THUMPD2: variants seen among roughly 807,000 people sequenced by gnomAD.
THUMPD2 encodes U6 snRNA (guanine-N(2))-methyltransferase THUMPD2.
A neutral mutation model predicts 49.4 loss-of-function variants in THUMPD2; 56 were observed. The observed-to-expected ratio is 1.13, with a 90% CI of 0.91 to 1.41. The LOEUF is 1.41. Among genes scored for constraint, THUMPD2 ranks in the 40% most tolerant of loss-of-function variants. THUMPD2 has a pLI of 0.00. For synonymous variants in THUMPD2, 237 were observed against 205.2 expected (o/e 1.15, Z -1.32); for missense variants, 709 against 594.5 (o/e 1.19, Z -2.00).
intron 8 of THUMPD2, among the ~76,000 whole-genome samples, chr2:39,753,259 G>A (rs1050912600): frequency 5.3e-5 from 8 of 152,102 alleles, no homozygotes; most frequent in African/African-American, 1.9e-4. Flanking sequence ...CAGGGAAGCT[G>A]CCCTTGACTT....
intron 8 of THUMPD2, among the ~76,000 whole-genome samples, chr2:39,748,079 G>A (rs191765346): frequency 6.6e-6 from 1 of 152,284 alleles, no homozygotes; most frequent in East Asian, 1.9e-4. Context: ...GATGATCAAT[G>A]TCTTCCTGCT....
intron 8 of THUMPD2, among the ~76,000 whole-genome samples, chr2:39,752,211 CTG>C (rs1675504894): frequency 6.6e-6 from 1 of 152,190 alleles, no homozygotes; most frequent in Admixed American, 6.5e-5. Flanking sequence ...ACACTGTACT[CTG>C]TGTGTTTATG....
chr2:39,760,251 T>C (rs1479466326), intron 6 of THUMPD2, among the ~76,000 whole-genome samples: 1 of 152,136 alleles, frequency 6.6e-6, no homozygotes, highest in Non-Finnish European at 1.5e-5. Flanking sequence ...AGGTCTCATC[T>C]TATGACAGGG....
chr2:39,744,386 G>T lies in THUMPD2; in HGVS notation c.1171C>A (p.Leu391Ile). 3 of 1,569,338 alleles carry T rather than the reference G, an allele frequency of 1.9e-6. No homozygotes were observed. Among genetic ancestry groups the T allele is most frequent in the South Asian group, 1.2e-5 (1 of 83,026 alleles). The change falls in exon 9 of 10, where the codon CTA (leucine) becomes ATA (isoleucine). Residue 391 changes from leucine to isoleucine, a missense_variant. Coordinates refer to ENST00000505747, the MANE Select transcript of THUMPD2 (RefSeq NM_025264.5). ...ACAACTTACCTTTCCATTTCTTGTA[G>T]AATGCTTTTGATGTCTTTTCCTAAC... ...FKLGKDIKSI[L>I]QEMERVLHVG...
At chr2:39,773,558 AAT>A (rs984960643) in intron 1 of THUMPD2, among the ~76,000 whole-genome samples, 7 of 40,264 alleles carry the variant, frequency 1.7e-4, no homozygotes, top group Non-Finnish European at 2.1e-4. Flanking sequence ...TATATTTAAA[AAT>A]ATATATATAT....
rs116551177 is a variant in THUMPD2, at chr2:39,757,266, C to T, written c.892-1306G>A. The T allele has an allele frequency of 1.3e-3, 858 of 649,564 alleles. 10 individuals carry two copies. In the African/African-American group the frequency reaches 0.015, roughly 11 times the overall value. The allele number at this position is 649,564 out of a possible 1,614,324, so 40.2% of individuals were successfully genotyped here. On this transcript the variant is annotated intron_variant, in intron 6 of 9. Coordinates refer to ENST00000505747, the MANE Select transcript of THUMPD2 (RefSeq NM_025264.5). ...AACGTACCCCACTGTCAGGCCCAGT[C>T]GTGCTCGAGATAGGGGAGAAAAGAC...
intron 5 of THUMPD2, among the ~76,000 whole-genome samples, chr2:39,765,327 T>G (rs1191770303): frequency 1.3e-5 from 2 of 152,034 alleles, no homozygotes; most frequent in Non-Finnish European, 2.9e-5. Context: ...ACCCAGTTAA[T>G]TTTTGTATTT....
chr2:39,755,319 C>G lies in THUMPD2; in HGVS notation c.1054G>C (p.Glu352Gln). The G allele has an allele frequency of 6.5e-7, 1 of 1,543,512 alleles. No individual in the cohort carries two copies. Among genetic ancestry groups the G allele is most frequent in the Non-Finnish European group, 8.6e-7 (1 of 1,157,398 alleles). ...LKAAGLEDKIELLKISVIELP... is the reference protein window; with the variant it reads ...LKAAGLEDKIQLLKISVIELP... ...CCTATAACAGAGATTTTAAGTAATTCAATTTTATCCTCAAGGCCTGCAGCT... is the reference window on the plus strand; with the variant it reads ...CCTATAACAGAGATTTTAAGTAATTGAATTTTATCCTCAAGGCCTGCAGCT... The change falls in exon 8 of 10, where the codon GAA becomes CAA. Residue 352 changes from glutamate (E) to glutamine (Q), a missense_variant. Transcript: ENST00000505747.
intron 2 of THUMPD2, among the ~76,000 whole-genome samples, chr2:39,771,208 A>C (rs1468195900): frequency 6.6e-6 from 1 of 152,156 alleles, no homozygotes; most frequent in Non-Finnish European, 1.5e-5. Context: ...AATCCAAATA[A>C]ATGCAACTGA....
At chr2:39,757,426 T>C in intron 6 of THUMPD2, 2 of 1,301,344 alleles carry the variant, frequency 1.5e-6, no homozygotes, top group South Asian at 2.5e-5. Flanking sequence ...TGGTACTAAA[T>C]TTTAAAGAGA....
At chr2:39,759,429 T>C (rs1450976134) in intron 6 of THUMPD2, among the ~76,000 whole-genome samples, 1 of 152,166 alleles carries the variant, frequency 6.6e-6, no homozygotes, top group Non-Finnish European at 1.5e-5. Flanking sequence ...CTAATTCATT[T>C]AATCTTGTCA....
chr2:39,743,761 G>T (rs1403637280), intron 9 of THUMPD2, among the ~76,000 whole-genome samples: 1 of 152,202 alleles, frequency 6.6e-6, no homozygotes, highest in Non-Finnish European at 1.5e-5. Flanking sequence ...TGAGCAGATA[G>T]ATGCTGGCAC....
chr2:39,736,738 C>T lies in THUMPD2; in HGVS notation c.1509G>A (p.Leu503=), dbSNP rs1388635849. 1.2e-6 allele frequency: 2 copies of T among 1,610,566 alleles called. No homozygotes were observed. The highest frequency in any genetic ancestry group is 1.7e-6 in the Non-Finnish European group (2 of 1,177,626). The part of the protein sequence containing the change: ...CKYKKSHSSG[L] ...CCGGCTGATGGCAGCAAGCCTGCTA[C>T]AGTCCAGAAGAGTGCGACTTCTTAT... is the stretch of plus-strand genomic sequence containing the variant. The change falls in exon 10 of 10, where the codon CTG becomes CTA. Residue 503 remains leucine, a synonymous_variant. Coordinates refer to ENST00000505747, the MANE Select transcript of THUMPD2 (RefSeq NM_025264.5).
intron 1 of THUMPD2, among the ~76,000 whole-genome samples, chr2:39,774,442 G>C (rs1259970863): frequency 6.6e-6 from 1 of 152,202 alleles, no homozygotes; most frequent in Non-Finnish European, 1.5e-5. Context: ...TGGTAAAAAT[G>C]ATTTAATTAT....
chr2:39,765,014 CATTA>C (rs1277695894), intron 5 of THUMPD2, among the ~76,000 whole-genome samples: 2 of 152,040 alleles, frequency 1.3e-5, no homozygotes, highest in African/African-American at 4.8e-5. Flanking sequence ...TTTTAAAAAA[CATTA>C]ATATAAAGTT....
intron 6 of THUMPD2, among the ~76,000 whole-genome samples, chr2:39,757,865 C>T (rs557098195): frequency 7.9e-5 from 12 of 152,260 alleles, no homozygotes; most frequent in Non-Finnish European, 2.9e-5. Flanking sequence ...CTGTGTACTG[C>T]TCTGGGTACC....
Position 39,768,412 on chromosome 2 carries a change from A to C in THUMPD2, c.750+12T>G, listed in dbSNP as rs1677843111. On this transcript the variant is annotated intron_variant, in intron 4 of 9. Coordinates refer to ENST00000505747, the MANE Select transcript of THUMPD2 (RefSeq NM_025264.5). ...GGTTACAAGTATATAAAATAAAACA[A>C]ATACTCATTACCTCTAATTGTGGAT... 1 of 1,599,290 alleles carries C rather than the reference A, an allele frequency of 6.3e-7. No homozygotes were observed. The highest frequency in any genetic ancestry group is 8.6e-7 in the Non-Finnish European group (1 of 1,169,406).
chr2:39,776,271 G>A (rs551032325), intron 1 of THUMPD2, among the ~76,000 whole-genome samples: 1 of 152,024 alleles, frequency 6.6e-6, no homozygotes, highest in East Asian at 1.9e-4. Flanking sequence ...ACAACGAGAG[G>A]GGAGAAAAAA....
At chr2:39,775,213 A>G (rs946892857) in intron 1 of THUMPD2, among the ~76,000 whole-genome samples, 1 of 152,158 alleles carries the variant, frequency 6.6e-6, no homozygotes, top group African/African-American at 2.4e-5. Flanking sequence ...GGGGAAATCA[A>G]GGTTGCAGTG....
Sources: allele counts gnomAD v4.1 joint callset (sites outside exome capture counted in the v4.1 genomes callset), GRCh38; gene constraint gnomAD v4.1.1; transcripts MANE v1.5; gene names NCBI Gene and HGNC (gene_info 2026-07-23, HGNC 2026-07-21).